The following KDM6A variants were observed in gnomAD, a reference collection of about 807,000 sequenced individuals.
KDM6A encodes the protein lysine demethylase 6A.
In KDM6A, 11 loss-of-function variants were observed where a neutral mutation model predicts 117.6. The observed-to-expected ratio is 0.09, with a 90% CI of 0.06 to 0.15. The LOEUF (loss-of-function observed/expected upper bound fraction) is 0.15, where lower values mean the gene tolerates loss of function less well. KDM6A is among the 10% of genes least tolerant of loss of function. The probability of loss-of-function intolerance (pLI) is 1.00; values close to 1 mark genes in which losing one functional copy is unlikely to be tolerated. For missense variants in KDM6A, 799 were observed against 1,077.3 expected, an observed-to-expected ratio of 0.74 and a Z score of 3.62; for synonymous variants, 384 against 396.1, an observed-to-expected ratio of 0.97 and a Z score of 0.36.
At chrX:45,051,955 G>T (rs1050128516) in intron 9 of KDM6A, among the ~76,000 whole-genome samples, 153 bp downstream of exon 9, 6 of 111,532 alleles carry the variant, frequency 5.4e-5, no homozygotes, top group African/African-American at 2.0e-4. Context: ...CCTCTGCCCA[G>T]CATTGTCCTT....
At chrX:45,043,305 G>A (rs185731702) in intron 8 of KDM6A, among the ~76,000 whole-genome samples, 5,158 of 108,933 alleles carry the variant, frequency 0.047, 320 homozygotes, top group African/African-American at 0.17. Flanking sequence ...AAAAGGAAAC[G>A]AAAAAAAAGG....
intron 2 of KDM6A, among the ~76,000 whole-genome samples, chrX:44,930,263 T>C (rs2036549851): frequency 8.9e-6 from 1 of 112,230 alleles, no homozygotes; most frequent in South Asian, 3.6e-4. Flanking sequence ...TTTGCTGTCA[T>C]TCTCTTAACA....
At chrX:45,000,960 C>T (rs1187284816) in intron 4 of KDM6A, among the ~76,000 whole-genome samples, 2 of 112,993 alleles carry the variant, frequency 1.8e-5, no homozygotes, top group African/African-American at 3.2e-5. Context: ...AACCTGTGGA[C>T]GGAATATTTG....
In KDM6A at chrX:45,086,247, A is replaced by G. The variant is rs73493113; in HGVS notation, c.3704+268A>G. ...AGTTGAGTTATTAGTTTAATTTTTA[A>G]AATGATGCATACTTATTCATTTGAA... On this transcript the variant is annotated intron_variant, in intron 25 of 29. Coordinates refer to ENST00000611820, the MANE Select transcript of KDM6A (RefSeq NM_001291415.2). 1,059 of 291,279 alleles carry G rather than the reference A, an allele frequency of 3.6e-3. 16 individuals carry two copies. The highest frequency in any genetic ancestry group is 0.027 in the African/African-American group (981 of 36,774). The allele number at this position is 291,279 out of a possible 1,213,427, so 24.0% of individuals were successfully genotyped here.
chrX:45,035,530 T>C (rs1303435725), intron 7 of KDM6A, among the ~76,000 whole-genome samples: 1 of 111,073 alleles, frequency 9.0e-6, no homozygotes, highest in Non-Finnish European at 1.9e-5. Flanking sequence ...TCTGCTTCTA[T>C]GTAGGTGTCT....
In KDM6A at chrX:45,085,905, T is replaced by C; in HGVS notation, c.3630T>C (p.Asn1210=). 1 of 1,206,071 alleles carries C rather than the reference T, an allele frequency of 8.3e-7. No homozygotes were observed. The highest frequency in any genetic ancestry group is 1.7e-5 in the African/African-American group (1 of 57,746). ...ACAACTTCTGTTCAGTTAACATAAATATTGGCCCAGGTGACTGTGAATGGT... is the reference window on the plus strand; with the variant it reads ...ACAACTTCTGTTCAGTTAACATAAACATTGGCCCAGGTGACTGTGAATGGT... ...ENNNFCSVNI[N]IGPGDCEWFV... The change falls in exon 25 of 30, where the codon AAT becomes AAC. Residue 1210 remains asparagine, a synonymous_variant. Coordinates refer to ENST00000611820, the MANE Select transcript of KDM6A (RefSeq NM_001291415.2).
In KDM6A at chrX:44,873,550, C is replaced by G. The variant is rs756589442; in HGVS notation, c.-2C>G. On this transcript the variant is annotated 5_prime_UTR_variant, in exon 1 of 30. Transcript: ENST00000611820. ...TTGGAGTTGTGAATTCGCTGCGTTT[C>G]CATGAAATCCTGCGGAGTGTCGCTC... 2.8e-5 allele frequency: 34 copies of G among 1,209,375 alleles called. 1 individual carries two copies. The highest frequency in any genetic ancestry group is 3.7e-5 in the Non-Finnish European group (33 of 894,841).
intron 2 of KDM6A, among the ~76,000 whole-genome samples, chrX:44,899,225 G>A (rs1314268692): frequency 5.2e-5 from 1 of 19,144 alleles, no homozygotes; most frequent in Non-Finnish European, 8.5e-5. Flanking sequence ...GTGTGTATGC[G>A]TGTGTGTGTG....
chrX:44,898,355 A>T (rs2034056042), intron 2 of KDM6A, among the ~76,000 whole-genome samples: 1 of 111,831 alleles, frequency 8.9e-6, no homozygotes, highest in African/African-American at 3.3e-5. Context: ...ATACTGGGTG[A>T]ATGTGGAGGT....
chrX:44,892,561 C>T (rs985034872), intron 2 of KDM6A, among the ~76,000 whole-genome samples: 18 of 110,569 alleles, frequency 1.6e-4, no homozygotes, highest in African/African-American at 3.3e-4. Flanking sequence ...GCTTGGTTGC[C>T]GGCGCTTGTA....
chrX:45,020,553 G>C (rs2147663014), intron 5 of KDM6A, 57 bp from the exon 6 acceptor site: 1 of 1,130,674 alleles, frequency 8.8e-7, no homozygotes, highest in South Asian at 1.8e-5. Flanking sequence ...GTACTACCAA[G>C]CAAGAATTCA....
intron 27 of KDM6A, among the ~76,000 whole-genome samples, chrX:45,104,024 C>CTTT (rs761228898): frequency 3.2e-5 from 3 of 94,609 alleles, no homozygotes; most frequent in Admixed American, 1.1e-4. Context: ...AAATTGAATT[C>CTTT]TTTTTTTTTT....
intron 4 of KDM6A, among the ~76,000 whole-genome samples, chrX:45,006,524 C>T (rs1482963839): frequency 9.1e-6 from 1 of 110,227 alleles, no homozygotes; most frequent in Non-Finnish European, 1.9e-5. Flanking sequence ...GTGTCATTCC[C>T]CTCTTGGCTA....
At chrX:44,924,889 A>G (rs910538847) in intron 2 of KDM6A, among the ~76,000 whole-genome samples, 1 of 110,313 alleles carries the variant, frequency 9.1e-6, no homozygotes, top group Non-Finnish European at 1.9e-5. Flanking sequence ...GAGTCTCCCT[A>G]TGTTGTCCAG....
chrX:45,022,538 A>T (rs913734656), intron 6 of KDM6A, among the ~76,000 whole-genome samples: 6 of 111,905 alleles, frequency 5.4e-5, no homozygotes, highest in Non-Finnish European at 7.5e-5. Context: ...TTTTAAGAAG[A>T]ATTTGGGCAT....
intron 2 of KDM6A, among the ~76,000 whole-genome samples, chrX:44,930,246 T>G (rs1455073550): frequency 8.9e-6 from 1 of 112,022 alleles, no homozygotes; most frequent in Admixed American, 9.5e-5. Flanking sequence ...TTTCTTCAGT[T>G]TGTGGCTTTG....
At chrX:45,061,705 T>A (rs12839469) in intron 15 of KDM6A, among the ~76,000 whole-genome samples, 1 of 108,912 alleles carries the variant, frequency 9.2e-6, no homozygotes, top group Non-Finnish European at 1.9e-5. Flanking sequence ...TTGGCCAGAC[T>A]GGTCTTGCAC....
chrX:44,963,297 TAAA>T (rs903739439), intron 3 of KDM6A, among the ~76,000 whole-genome samples: 5 of 105,376 alleles, frequency 4.7e-5, no homozygotes, highest in Non-Finnish European at 7.8e-5. Context: ...CCCCCTATCT[TAAA>T]AAAAAAAATT....
At chrX:45,081,292 A>G (rs922981686) in intron 21 of KDM6A, among the ~76,000 whole-genome samples, 4 of 112,096 alleles carry the variant, frequency 3.6e-5, no homozygotes, top group African/African-American at 9.7e-5. Flanking sequence ...AGTTTGACAA[A>G]TGTTCAGACA....
Sources: gnomAD v4.1 joint callset for allele counts (sites outside exome capture counted in the v4.1 genomes callset) on GRCh38, gnomAD v4.1.1 for gene constraint, MANE v1.5 for transcripts, NCBI Gene and HGNC (gene_info 2026-07-23, HGNC 2026-07-21) for gene names.